The following MC2R variants were observed in gnomAD, a reference collection of about 807,000 sequenced individuals.
MC2R encodes the protein adrenocorticotropic hormone receptor.
In MC2R, 9 loss-of-function variants were observed where a neutral mutation model predicts 9.8. That is an observed-to-expected ratio of 0.92 (90% confidence interval 0.55 to 1.60). The LOEUF (loss-of-function observed/expected upper bound fraction) is 1.60. Among genes scored for constraint, MC2R ranks in the 40% most tolerant of loss-of-function variants. The probability of loss-of-function intolerance (pLI) is 0.00; values close to 1 mark genes in which losing one functional copy is unlikely to be tolerated. For missense variants in MC2R, 370 were observed against 389.0 expected (o/e 0.95, Z 0.41); for synonymous variants, 185 against 154.7 (o/e 1.20, Z -1.45).
At chr18:13,898,025 T>C (rs984753811) in intron 1 of MC2R, among the ~76,000 whole-genome samples, 8 of 151,922 alleles carry the variant, frequency 5.3e-5, no homozygotes, top group Admixed American at 2.0e-4. Flanking sequence ...GTCTTGCACC[T>C]TAGGTACCAG....
At chr18:13,888,504 C>T (rs911055231) in intron 1 of MC2R, among the ~76,000 whole-genome samples, 16 of 152,202 alleles carry the variant, frequency 1.1e-4, no homozygotes, top group Admixed American at 7.9e-4. Context: ...TGGGCAAACG[C>T]CCAAAGCCAC....
rs771686761 is a variant in MC2R, at chr18:13,885,481, TTGTTGA to T, written c.32_37del (p.Ile11_Asn12del). 6 of 1,614,206 alleles carry T rather than the reference TTGTTGA, an allele frequency of 3.7e-6. No homozygotes were observed. The Admixed American group carries it at 1.0e-4, about 27-fold the overall frequency. On this transcript the variant is annotated inframe_deletion, in exon 2 of 2. Coordinates refer to ENST00000327606, the MANE Select transcript of MC2R (RefSeq NM_000529.2). ...ACAGTCGGAATTATTTCTTGCTGTG[TTGTTGA>T]TGTTTTCATACGAGTTGATAATGTG... is the stretch of plus-strand genomic sequence containing the variant.
At chr18:13,909,625 A>G (rs905379748) in intron 1 of MC2R, among the ~76,000 whole-genome samples, 7 of 152,142 alleles carry the variant, frequency 4.6e-5, no homozygotes, top group Admixed American at 1.3e-4. Context: ...TATACTTTAG[A>G]TTATAATCCA....
intron 1 of MC2R, among the ~76,000 whole-genome samples, chr18:13,886,098 G>C (rs1400888583): frequency 6.6e-6 from 1 of 152,106 alleles, no homozygotes; most frequent in Admixed American, 6.5e-5. Context: ...CGGGTGATGA[G>C]AAATTACCCT....
rs139366501 is a variant in MC2R at position 13,902,841 on chromosome 18, G to A, written c.-129+12647C>T. On this transcript the variant is annotated intron_variant, in intron 1 of 1. Transcript: ENST00000327606. ...GTACCCAAACAAAAATGGACAAATG[G>A]GACCACATCAAGTTAAAAATCTTCT... 2.6e-3 allele frequency among the ~76,000 whole-genome samples: 388 copies of A among 152,100 alleles called. 1 individual carries two copies. Among genetic ancestry groups the A allele is most frequent in the African/African-American group, 9.0e-3 (375 of 41,468 alleles).
chr18:13,894,743 G>A (rs1598463472), intron 1 of MC2R, among the ~76,000 whole-genome samples: 1 of 152,154 alleles, frequency 6.6e-6, no homozygotes, highest in Non-Finnish European at 1.5e-5. Context: ...GCCTCTTATT[G>A]TCTCTAAGAT....
chr18:13,910,772 G>T (rs2045439831), intron 1 of MC2R, among the ~76,000 whole-genome samples: 1 of 152,124 alleles, frequency 6.6e-6, no homozygotes, highest in Non-Finnish European at 1.5e-5. Flanking sequence ...GGCATCTGGA[G>T]GATAGAGAGG....
intron 1 of MC2R, among the ~76,000 whole-genome samples, chr18:13,895,715 G>T (rs1021021546): frequency 6.6e-6 from 1 of 152,178 alleles, no homozygotes; most frequent in Non-Finnish European, 1.5e-5. Context: ...CCTGGTTTTG[G>T]CCCGGAGCTC....
chr18:13,888,363 C>A (rs1380959041), intron 1 of MC2R, among the ~76,000 whole-genome samples: 1 of 152,124 alleles, frequency 6.6e-6, no homozygotes, highest in Non-Finnish European at 1.5e-5. Context: ...GGTGTGTGGC[C>A]CCATTCTTGG....
rs969154261 is a variant in MC2R, at chr18:13,884,378, T to A, written c.*247A>T. 2 of 569,884 alleles carry A rather than the reference T, an allele frequency of 3.5e-6. No individual in the cohort carries two copies. The highest frequency in any genetic ancestry group is 6.3e-6 in the Non-Finnish European group (2 of 318,844). 35.3% of individuals were successfully genotyped at this position (569,884 alleles called of 1,614,324 possible). A position where few individuals can be genotyped will look rare whatever the true frequency, so the allele number is the denominator to read the frequency against. On this transcript the variant is annotated 3_prime_UTR_variant, in exon 2 of 2. Coordinates refer to ENST00000327606, the MANE Select transcript of MC2R (RefSeq NM_000529.2). ...CTTAATTACTTTTGTACCTACCTAA[T>A]ACTTTGTATTCTATCCTTCTTTTAC...
intron 1 of MC2R, among the ~76,000 whole-genome samples, chr18:13,897,915 G>A (rs1206919852): frequency 2.6e-5 from 4 of 151,966 alleles, no homozygotes; most frequent in African/African-American, 4.8e-5. Context: ...CCTGAGACTT[G>A]CTGGCTTCAG....
intron 1 of MC2R, among the ~76,000 whole-genome samples, chr18:13,897,770 G>A (rs962042475): frequency 6.6e-6 from 1 of 151,962 alleles, no homozygotes; most frequent in Non-Finnish European, 1.5e-5. Context: ...ACACACCCTG[G>A]GCCAGAAGGG....
At chr18:13,894,562 G>A (rs2045335757) in intron 1 of MC2R, among the ~76,000 whole-genome samples, 1 of 152,208 alleles carries the variant, frequency 6.6e-6, no homozygotes, top group Admixed American at 6.5e-5. Flanking sequence ...GGAACACAGT[G>A]TGGGTTCAAT....
chr18:13,889,914 A>C (rs979242231), intron 1 of MC2R, among the ~76,000 whole-genome samples: 4 of 152,134 alleles, frequency 2.6e-5, no homozygotes, highest in Non-Finnish European at 5.9e-5. Flanking sequence ...AGACCAAGAG[A>C]CCGGTCTAAA....
At chr18:13,906,230 C>A (rs923750449) in intron 1 of MC2R, among the ~76,000 whole-genome samples, 4 of 152,196 alleles carry the variant, frequency 2.6e-5, no homozygotes, top group Non-Finnish European at 5.9e-5. Flanking sequence ...ACACATACAT[C>A]ATGGAATACT....
intron 1 of MC2R, among the ~76,000 whole-genome samples, chr18:13,906,656 G>C (rs1270840171): frequency 6.6e-6 from 1 of 152,182 alleles, no homozygotes; most frequent in Non-Finnish European, 1.5e-5. Flanking sequence ...CCAGAAAACT[G>C]TGAGAGCTGA....
intron 1 of MC2R, among the ~76,000 whole-genome samples, chr18:13,898,640 ACTCCACC>A (rs1302918890): frequency 6.6e-6 from 1 of 151,942 alleles, no homozygotes; most frequent in Admixed American, 6.6e-5. Flanking sequence ...TGCTTGCGTC[ACTCCACC>A]CCCAGATTTA....
At position 13,901,982 on chromosome 18, in the gene MC2R, G is replaced by A. The variant is rs534884004; in HGVS notation, c.-129+13506C>T. Among the ~76,000 whole-genome samples, 162 of 151,796 alleles carry A rather than the reference G, an allele frequency of 1.1e-3. 1 individual carries two copies. The highest frequency in any genetic ancestry group is 3.8e-3 in the African/African-American group (156 of 41,430). ...GACGAAGAAATCCATCCCCCCCACCGACTGCCCCACTGCCAAATACTGGCA... is the reference window on the plus strand; with the variant it reads ...GACGAAGAAATCCATCCCCCCCACCAACTGCCCCACTGCCAAATACTGGCA... On this transcript the variant is annotated intron_variant, in intron 1 of 1. Transcript: ENST00000327606.
At chr18:13,889,725 C>T (rs1316756687) in intron 1 of MC2R, among the ~76,000 whole-genome samples, 1 of 152,156 alleles carries the variant, frequency 6.6e-6, no homozygotes, top group Non-Finnish European at 1.5e-5. Context: ...TTTTTAAAGG[C>T]TCCAAGGGTA....
Sources: allele counts gnomAD v4.1 joint callset (sites outside exome capture counted in the v4.1 genomes callset), GRCh38; gene constraint gnomAD v4.1.1; transcripts MANE v1.5; gene names NCBI Gene and HGNC (gene_info 2026-07-23, HGNC 2026-07-21).